Variants in SECISBP2 observed in about 807,000 individuals in gnomAD.
SECISBP2 encodes the protein SECIS binding protein 2, also known as selenocysteine insertion sequence-binding protein 2.
Under a neutral mutation model 98.2 loss-of-function variants are expected in SECISBP2, and 96 were observed. The ratio of observed to expected loss-of-function variants is 0.98; its 90% CI spans 0.83 to 1.16. The LOEUF is 1.16. Ranked by LOEUF, SECISBP2 falls within the 50% of genes most tolerant of loss-of-function variation. The pLI, the probability that SECISBP2 is intolerant of heterozygous loss-of-function variation, is 0.00. For synonymous variants in SECISBP2, 407 were observed against 370.2 expected (o/e 1.10, Z -1.14); for missense variants, 1,046 against 1,022.9 (o/e 1.02, Z -0.31).
intron 5 of SECISBP2, among the ~76,000 whole-genome samples, chr9:89,332,085 A>G (rs915615915): frequency 6.6e-6 from 1 of 152,236 alleles, no homozygotes; most frequent in Admixed American, 6.5e-5. Flanking sequence ...AAGGGAAGCT[A>G]TATTTTAAAA....
At chr9:89,334,386 C>T in intron 6 of SECISBP2, 136 bp from the exon 7 acceptor site, 2 of 878,368 alleles carry the variant, frequency 2.3e-6, no homozygotes, top group Non-Finnish European at 3.6e-6. Context: ...CTATAGTTTC[C>T]AAGAGGATGT....
At chr9:89,334,855 G>C in intron 7 of SECISBP2, 125 bp downstream of exon 7, 1 of 730,800 alleles carries the variant, frequency 1.4e-6, no homozygotes, top group Non-Finnish European at 2.4e-6. Flanking sequence ...AGTTTCTGAA[G>C]ATGGATGGTG....
At chr9:89,342,302 G>A (rs1829767880) in intron 10 of SECISBP2, among the ~76,000 whole-genome samples, 1 of 152,240 alleles carries the variant, frequency 6.6e-6, no homozygotes, top group Non-Finnish European at 1.5e-5. Context: ...CAGTGAAGAT[G>A]TGGAAAAATT....
the SECISBP2 span, chr9:89,365,555 A>G: frequency 2.6e-5 from 4 of 152,260 alleles, no homozygotes; most frequent in Admixed American, 2.0e-4. Context: ...TTTGCCCTAG[A>G]TGTCCATCAA....
At position 89,334,629 on chromosome 9, in the gene SECISBP2, T is replaced by C; in HGVS notation, c.988T>C (p.Ser330Pro). 1 of 1,614,028 alleles carries C rather than the reference T, an allele frequency of 6.2e-7. No individual in the cohort carries two copies. The highest frequency in any genetic ancestry group is 8.5e-7 in the Non-Finnish European group (1 of 1,179,888). The change falls in exon 7 of 17, where the codon TCA (serine) becomes CCA (proline). Residue 330 changes from serine to proline, a missense_variant. By Grantham distance (74) the Ser-to-Pro change is moderately conservative. Coordinates refer to ENST00000375807, the MANE Select transcript of SECISBP2 (RefSeq NM_024077.5). ...TSMINLKTIA[S>P]SADPKNVSIP... ...TATGATAAACTTAAAGACCATTGCT[T>C]CATCAGCAGATCCTAAAAATGTTAG...
At chr9:89,348,048 A>G (rs1208616223) in intron 11 of SECISBP2, 31 bp from the exon 12 acceptor site, 2 of 1,577,084 alleles carry the variant, frequency 1.3e-6, no homozygotes, top group Middle Eastern at 1.7e-4. Context: ...ACAAGTATTT[A>G]GGCATTTTAA....
At chr9:89,342,586 C>T (rs1281551894) in intron 10 of SECISBP2, among the ~76,000 whole-genome samples, 4 of 152,142 alleles carry the variant, frequency 2.6e-5, no homozygotes, top group Non-Finnish European at 5.9e-5. Context: ...AATATGCAAC[C>T]TTAAAAAAGG....
chr9:89,332,184 C>A (rs546587714), intron 5 of SECISBP2, among the ~76,000 whole-genome samples: 1 of 152,144 alleles, frequency 6.6e-6, no homozygotes, highest in African/African-American at 2.4e-5. Context: ...AGGTTCACAG[C>A]AAAGTTGAGA....
chr9:89,321,360 G>C (rs369397230), intron 2 of SECISBP2, among the ~76,000 whole-genome samples: 2 of 152,202 alleles, frequency 1.3e-5, no homozygotes, highest in Non-Finnish European at 2.9e-5. Flanking sequence ...AATGGGCAGT[G>C]CTGAATTTAA....
At chr9:89,326,073 C>G in intron 4 of SECISBP2, 35 bp downstream of exon 4, 1 of 1,604,108 alleles carries the variant, frequency 6.2e-7, no homozygotes, top group Non-Finnish European at 8.5e-7. Flanking sequence ...TAATGCGAGC[C>G]TACTCCTTGT....
chr9:89,328,733 T>G lies in SECISBP2; in HGVS notation c.648T>G (p.Phe216Leu). ...ATGTATCTACCTCCAAACCTGAGTT[T>G]GAATTTACCACACTGGACTTTCCTG... ...AKNVSTSKPE[F>L]EFTTLDFPEL... The change falls in exon 5 of 17, where the codon TTT becomes TTG. Residue 216 changes from phenylalanine (F) to leucine (L), a missense_variant. Coordinates refer to ENST00000375807, the MANE Select transcript of SECISBP2 (RefSeq NM_024077.5). 6.2e-7 allele frequency: 1 copy of G among 1,614,232 alleles called. No homozygotes were observed. Among genetic ancestry groups the G allele is most frequent in the Non-Finnish European group, 8.5e-7 (1 of 1,180,036 alleles).
Position 89,349,917 on chromosome 9 carries a change from G to C in SECISBP2, c.1880G>C (p.Arg627Pro). Residue 627 changes from arginine to proline, a missense_variant, in exon 13 of 17, where the codon CGC (arginine) becomes CCC (proline). By Grantham distance (103) the Arg-to-Pro change is moderately radical. Coordinates refer to ENST00000375807, the MANE Select transcript of SECISBP2 (RefSeq NM_024077.5). The part of the protein sequence containing the change: ...NHTTFPKIHS[R>P]RFRDYCSQML... ...ACCACCTTCCCTAAGATCCACAGCC[G>C]CAGATTCAGGGAGTGAGTGAGCCCC... is the stretch of plus-strand genomic sequence containing the variant. 6.2e-7 allele frequency: 1 copy of C among 1,614,158 alleles called. No homozygotes were observed. Among genetic ancestry groups the C allele is most frequent in the Non-Finnish European group, 8.5e-7 (1 of 1,180,004 alleles).
chr9:89,352,758 A>G (rs1223481566), intron 14 of SECISBP2, among the ~76,000 whole-genome samples: 2 of 150,674 alleles, frequency 1.3e-5, no homozygotes, highest in African/African-American at 4.9e-5. Flanking sequence ...TCTCAACCAT[A>G]TCTTGTAAAA....
chr9:89,351,824 A>C (rs1407000181), intron 14 of SECISBP2, among the ~76,000 whole-genome samples: 1 of 152,178 alleles, frequency 6.6e-6, no homozygotes, highest in African/African-American at 2.4e-5. Flanking sequence ...GTGTGCCCAG[A>C]GGCCTTTCCA....
the SECISBP2 span, chr9:89,364,724 A>G: frequency 2.2e-4 from 34 of 152,814 alleles, no homozygotes; most frequent in African/African-American, 7.2e-4. Flanking sequence ...ATCTGTTGCA[A>G]CCTGCCAGGG....
At chr9:89,357,163 T>C (rs1293920052) in intron 14 of SECISBP2, 3 of 536,278 alleles carry the variant, frequency 5.6e-6, no homozygotes, top group Non-Finnish European at 1.0e-5. Context: ...GGTGGTAAGT[T>C]TCAGTAATAC....
rs558374731 is a variant in SECISBP2 at position 89,333,705 on chromosome 9, TCTGTC to T, written c.880+728_880+732del. Reference sequence around the variant, plus strand: ...CCTGCCACACTGTAAGGACTGCTCATCTGTCCTGTCCTGGCCAAGAAGTAATATTT... The same window carrying T: ...CCTGCCACACTGTAAGGACTGCTCATCTGTCCTGGCCAAGAAGTAATATTT... On this transcript the variant is annotated intron_variant, in intron 6 of 16. Transcript: ENST00000375807. Among the ~76,000 whole-genome samples the T allele has an allele frequency of 2.1e-3, 314 of 152,374 alleles. 1 individual carries two copies. The highest frequency in any genetic ancestry group is 3.4e-3 in the Non-Finnish European group (231 of 68,034).
Position 89,338,243 on chromosome 9 carries a change from T to A in SECISBP2, c.1090-215T>A, listed in dbSNP as rs115686082. On this transcript the variant is annotated intron_variant, in intron 7 of 16. Coordinates refer to ENST00000375807, the MANE Select transcript of SECISBP2 (RefSeq NM_024077.5). ...CAAATCCACCAGTTTTCAAAAGGAA[T>A]TGGGCATTACAACTATTTGAACAAA... Among the ~76,000 whole-genome samples, 3 of 152,200 alleles carry A rather than the reference T, an allele frequency of 2.0e-5. 1 individual carries two copies. The South Asian group carries it at 6.2e-4, about 32-fold the overall frequency.
At chr9:89,339,802 A>G (rs1829378474) in intron 8 of SECISBP2, 62 bp from the exon 9 acceptor site, 1 of 1,144,618 alleles carries the variant, frequency 8.7e-7, no homozygotes, top group Admixed American at 1.7e-5. Context: ...TAAGCAAGGA[A>G]AAGGTTGCAC....
Sources: allele counts gnomAD v4.1 joint callset (sites outside exome capture counted in the v4.1 genomes callset), GRCh38; gene constraint gnomAD v4.1.1; transcripts MANE v1.5; gene names NCBI Gene and HGNC (gene_info 2026-07-23, HGNC 2026-07-21).